LMLN: variants seen among roughly 807,000 people sequenced by gnomAD.
The protein encoded by LMLN is leishmanolysin-like peptidase.
Under a neutral mutation model 92.3 loss-of-function variants are expected in LMLN, and 70 were observed. The ratio of observed to expected loss-of-function variants is 0.76; its 90% CI spans 0.63 to 0.92. The LOEUF (loss-of-function observed/expected upper bound fraction) is 0.92. Ranked by LOEUF, LMLN falls within the 40% of genes least tolerant of loss-of-function variation. The probability of loss-of-function intolerance (pLI) is 0.00; values close to 1 mark genes in which losing one functional copy is unlikely to be tolerated. For synonymous variants in LMLN, 308 were observed against 296.2 expected (o/e 1.04, Z -0.41); for missense variants, 691 against 814.6 (o/e 0.85, Z 1.85).
At chr3:197,971,388 A>C (rs530431178) in intron 1 of LMLN, among the ~76,000 whole-genome samples, 281 of 152,324 alleles carry the variant, frequency 1.8e-3, no homozygotes, top group Non-Finnish European at 3.3e-3. Context: ...AGAACTCACT[A>C]TCATGAGAAC....
At chr3:198,021,590 T>C (rs1284856154) in exon 13 of LMLN, 8 of 1,613,880 alleles carry the variant, frequency 5.0e-6, no homozygotes, top group Non-Finnish European at 6.8e-6. Flanking sequence ...TTGTAGAATA[T>C]TGGAAAATCA....
intron 11 of LMLN, among the ~76,000 whole-genome samples, chr3:197,999,993 AT>A (rs1722127360): frequency 1.3e-5 from 2 of 152,270 alleles, no homozygotes; most frequent in South Asian, 4.1e-4. Flanking sequence ...AGACTAAACA[AT>A]TTTTAAATGA....
At chr3:198,022,935 G>A (rs1178245161) in intron 13 of LMLN, among the ~76,000 whole-genome samples, 3 of 152,098 alleles carry the variant, frequency 2.0e-5, no homozygotes, top group Non-Finnish European at 4.4e-5. Flanking sequence ...CAAAAGAAAT[G>A]CACAGATCTG....
intron 9 of LMLN, among the ~76,000 whole-genome samples, chr3:197,991,439 CTG>C (rs748266415): frequency 7.9e-5 from 12 of 152,052 alleles, no homozygotes; most frequent in Non-Finnish European, 1.5e-4. Flanking sequence ...GCTCACATGA[CTG>C]TGGAAGTTGG....
chr3:198,034,116 G>T (rs1445504096), intron 14 of LMLN, among the ~76,000 whole-genome samples: 1 of 152,194 alleles, frequency 6.6e-6, no homozygotes, highest in Admixed American at 6.5e-5. Flanking sequence ...TGCTGGACTT[G>T]CTTCTGGGCA....
At chr3:197,974,097 C>T (rs1327092124) in intron 1 of LMLN, among the ~76,000 whole-genome samples, 1 of 152,170 alleles carries the variant, frequency 6.6e-6, no homozygotes, top group Non-Finnish European at 1.5e-5. Context: ...TATGTAAGAT[C>T]ACTACAAATA....
chr3:197,982,026 GAA>G, intron 6 of LMLN, among the ~76,000 whole-genome samples: 1 of 151,910 alleles, frequency 6.6e-6, no homozygotes, highest in Non-Finnish European at 1.5e-5. Context: ...GGCTGGTCTT[GAA>G]CCCCTGACCT....
At chr3:198,038,483 C>T (rs1723296714) in intron 15 of LMLN, 84 bp from the exon 17 acceptor site, 1 of 970,552 alleles carries the variant, frequency 1.0e-6, no homozygotes, top group Admixed American at 1.8e-5. Flanking sequence ...TTAATAATCA[C>T]TGCTCTTCAT....
At chr3:198,037,629 A>T (rs780804802) in intron 15 of LMLN, among the ~76,000 whole-genome samples, 1 of 152,084 alleles carries the variant, frequency 6.6e-6, no homozygotes, top group African/African-American at 2.4e-5. Context: ...ATAGAATGAG[A>T]CTCTGTCTCA....
exon 16 of LMLN, chr3:198,039,531 C>T (rs1303633293): frequency 6.6e-6 from 1 of 152,112 alleles, no homozygotes; most frequent in African/African-American, 2.4e-5. Context: ...CCCAGGAGTT[C>T]AAGGCTGCAG....
intron 14 of LMLN, among the ~76,000 whole-genome samples, chr3:198,026,471 C>G (rs1255875920): frequency 6.6e-6 from 1 of 151,872 alleles, no homozygotes; most frequent in African/African-American, 2.4e-5. Context: ...GCATGCGCCA[C>G]CATACCCAGC....
intron 7 of LMLN, among the ~76,000 whole-genome samples, chr3:197,985,094 G>A (rs562895495): frequency 7.9e-5 from 12 of 152,142 alleles, no homozygotes; most frequent in Non-Finnish European, 1.6e-4. Context: ...TTTTTTACAT[G>A]TTTATTTGAA....
chr3:198,028,147 C>G (rs976133974), intron 14 of LMLN, among the ~76,000 whole-genome samples: 4 of 152,146 alleles, frequency 2.6e-5, no homozygotes, highest in African/African-American at 9.7e-5. Flanking sequence ...AATCGATGAA[C>G]CCACATCATC....
intron 15 of LMLN, among the ~76,000 whole-genome samples, chr3:198,038,152 T>C (rs558753499): frequency 6.6e-6 from 1 of 152,330 alleles, no homozygotes; most frequent in South Asian, 2.1e-4. Context: ...CCTGTTGTCA[T>C]TATTAATAGT....
intron 14 of LMLN, among the ~76,000 whole-genome samples, chr3:198,029,909 C>T (rs146537977): frequency 2.0e-5 from 3 of 151,948 alleles, no homozygotes; most frequent in Non-Finnish European, 2.9e-5. Flanking sequence ...GGCATGATCC[C>T]TCGGCTCACT....
At chr3:198,036,866 C>A (rs771420398) in intron 15 of LMLN, among the ~76,000 whole-genome samples, 93 of 152,232 alleles carry the variant, frequency 6.1e-4, no homozygotes, top group African/African-American at 2.0e-3. Flanking sequence ...TGCAATGTTT[C>A]ATTTTCTCAA....
chr3:198,018,406 G>A (rs1281030888), intron 11 of LMLN, among the ~76,000 whole-genome samples: 2 of 152,222 alleles, frequency 1.3e-5, no homozygotes, highest in East Asian at 3.8e-4. Flanking sequence ...GCTCAGGAAA[G>A]TTAAGTAAAT....
chr3:198,036,257 C>T (rs1723233240), intron 15 of LMLN, among the ~76,000 whole-genome samples: 1 of 152,158 alleles, frequency 6.6e-6, no homozygotes, highest in South Asian at 2.1e-4. Context: ...GGGTGAGGAA[C>T]CTTTCTGGTG....
chr3:197,992,480 A>G (rs1372912699), intron 9 of LMLN, among the ~76,000 whole-genome samples: 1 of 152,240 alleles, frequency 6.6e-6, no homozygotes, highest in East Asian at 1.9e-4. Flanking sequence ...ACAGAAACAC[A>G]AAGGATCATG....
Sources: gnomAD v4.1 joint callset for allele counts (sites outside exome capture counted in the v4.1 genomes callset) on GRCh38, gnomAD v4.1.1 for gene constraint, MANE v1.5 for transcripts, NCBI Gene and HGNC (gene_info 2026-07-23, HGNC 2026-07-21) for gene names.